The following CSMD1 variants were observed in gnomAD, a reference collection of about 807,000 sequenced individuals.
CSMD1 encodes the protein CUB and sushi domain-containing protein 1.
A neutral mutation model predicts 417.5 loss-of-function variants in CSMD1; 213 were observed. The observed-to-expected ratio is 0.51, with a 90% CI of 0.46 to 0.57. The LOEUF (loss-of-function observed/expected upper bound fraction) is 0.57. CSMD1 is among the 20% of genes least tolerant of loss of function. The pLI is 0.00. For synonymous variants in CSMD1, 2,862 were observed against 1,736.8 expected (o/e 1.65, Z -16.11); for missense variants, 6,923 against 4,529.7 (o/e 1.53, Z -15.17).
At chr8:3,549,633 C>T (rs1798824371) in intron 10 of CSMD1, among the ~76,000 whole-genome samples, 1 of 152,186 alleles carries the variant, frequency 6.6e-6, no homozygotes, top group Admixed American at 6.5e-5. Flanking sequence ...GGAGAAACCT[C>T]AGCTAGCATG....
chr8:3,108,431 C>A (rs1463467161), intron 44 of CSMD1, among the ~76,000 whole-genome samples, 172 bp downstream of exon 44: 1 of 152,168 alleles, frequency 6.6e-6, no homozygotes, highest in East Asian at 1.9e-4. Flanking sequence ...ATAATAAAGA[C>A]ATCATTAAAC....
intron 26 of CSMD1, among the ~76,000 whole-genome samples, chr8:3,259,334 T>C (rs1375683852): frequency 6.6e-6 from 1 of 152,196 alleles, no homozygotes; most frequent in Non-Finnish European, 1.5e-5. Flanking sequence ...AAAGCAGGAA[T>C]CTTGACTTCG....
chr8:3,087,303 C>G lies in CSMD1; in HGVS notation c.7286-18G>C, dbSNP rs374947219. The G allele has an allele frequency of 1.2e-6, 2 of 1,610,318 alleles. No homozygotes were observed. The highest frequency in any genetic ancestry group is 1.3e-5 in the African/African-American group (1 of 74,870). On this transcript the variant is annotated intron_variant, in intron 48 of 69. Coordinates refer to ENST00000635120, the MANE Select transcript of CSMD1 (RefSeq NM_033225.6). ...GTAAGGTGCTGTGGGCAGACAGACACACACAGAAATAAGTCAACAAGCAAA... is the reference window on the plus strand; with the variant it reads ...GTAAGGTGCTGTGGGCAGACAGACAGACACAGAAATAAGTCAACAAGCAAA...
chr8:3,388,497 AC>A (rs2116816153), intron 17 of CSMD1, among the ~76,000 whole-genome samples: 1 of 152,356 alleles, frequency 6.6e-6, no homozygotes, highest in East Asian at 1.9e-4. Flanking sequence ...AAACATCAGA[AC>A]ATTAGAATGA....
intron 6 of CSMD1, among the ~76,000 whole-genome samples, chr8:3,741,083 T>C (rs572165098): frequency 6.6e-6 from 1 of 152,056 alleles, no homozygotes; most frequent in South Asian, 2.1e-4. Flanking sequence ...GGTGTGGTGA[T>C]AGGTGCCTGT....
rs34201975 is a variant in CSMD1, at chr8:3,208,046, C to T, written c.4868-2426G>A. On this transcript the variant is annotated intron_variant, in intron 30 of 69. Coordinates refer to ENST00000635120, the MANE Select transcript of CSMD1 (RefSeq NM_033225.6). ...TTATGTCAGACCTATCTTTCCTTTT[C>T]CTCAAAAGCTTCAAGTTCAAGTTTT... Among the ~76,000 whole-genome samples the T allele has an allele frequency of 7.9e-3, 1,200 of 152,198 alleles. 15 individuals carry two copies. Among genetic ancestry groups the T allele is most frequent in the Admixed American group, 0.015 (236 of 15,300 alleles).
intron 3 of CSMD1, among the ~76,000 whole-genome samples, chr8:4,400,092 G>A (rs1032416274): frequency 6.6e-6 from 1 of 152,078 alleles, no homozygotes; most frequent in African/African-American, 2.4e-5. Flanking sequence ...CTAAATACGA[G>A]TACATTAAAA....
At chr8:4,260,794 C>T (rs1396369141) in intron 3 of CSMD1, among the ~76,000 whole-genome samples, 1 of 152,112 alleles carries the variant, frequency 6.6e-6, no homozygotes, top group Non-Finnish European at 1.5e-5. Flanking sequence ...AGCACTGTCA[C>T]CTCTCCTGGA....
chr8:3,129,367 G>C (rs1222583066), intron 41 of CSMD1, among the ~76,000 whole-genome samples: 3 of 152,192 alleles, frequency 2.0e-5, no homozygotes, highest in Non-Finnish European at 4.4e-5. Context: ...AGGTTTGCTT[G>C]TTTGTTTATT....
chr8:4,891,848 T>G (rs761047404), intron 1 of CSMD1, among the ~76,000 whole-genome samples: 3 of 152,128 alleles, frequency 2.0e-5, no homozygotes, highest in Non-Finnish European at 4.4e-5. Flanking sequence ...CTATACACCT[T>G]GTATTATCCA....
intron 29 of CSMD1, among the ~76,000 whole-genome samples, chr8:3,217,037 C>T (rs1315005534): frequency 2.0e-5 from 3 of 152,132 alleles, no homozygotes; most frequent in Non-Finnish European, 4.4e-5. Context: ...GATGCAATGA[C>T]ATCACTGCCC....
intron 3 of CSMD1, among the ~76,000 whole-genome samples, chr8:4,401,486 C>A (rs770895725): frequency 6.6e-6 from 1 of 152,044 alleles, no homozygotes; most frequent in Non-Finnish European, 1.5e-5. Flanking sequence ...AGCACCATCC[C>A]CTCACCCAGA....
chr8:4,008,622 T>G (rs1816315992), intron 4 of CSMD1, among the ~76,000 whole-genome samples: 1 of 139,440 alleles, frequency 7.2e-6, no homozygotes, highest in Non-Finnish European at 1.6e-5. Context: ...TTTTTTTTTT[T>G]TTTTTTGAGA....
At chr8:3,127,542 T>C (rs1817572929) in intron 41 of CSMD1, 1 of 152,198 alleles carries the variant, frequency 6.6e-6, no homozygotes, top group South Asian at 2.1e-4. Flanking sequence ...TAACAAACTA[T>C]AGCCTATTTT....
chr8:4,491,764 T>C (rs1801715163), intron 2 of CSMD1, among the ~76,000 whole-genome samples: 1 of 152,164 alleles, frequency 6.6e-6, no homozygotes, highest in Non-Finnish European at 1.5e-5. Context: ...GCTCACTCAC[T>C]GCTGGTGGGA....
At chr8:3,519,624 A>G (rs1023633886) in intron 10 of CSMD1, among the ~76,000 whole-genome samples, 1 of 152,216 alleles carries the variant, frequency 6.6e-6, no homozygotes, top group Admixed American at 6.5e-5. Flanking sequence ...TGTGCCACTC[A>G]GCTATCTGTA....
chr8:4,072,405 G>T (rs898012754), intron 3 of CSMD1, among the ~76,000 whole-genome samples: 1 of 152,078 alleles, frequency 6.6e-6, no homozygotes, highest in Non-Finnish European at 1.5e-5. Flanking sequence ...TATGTACCAA[G>T]CATTTTACAC....
intron 3 of CSMD1, among the ~76,000 whole-genome samples, chr8:4,378,344 G>A (rs1802885289): frequency 6.6e-6 from 1 of 152,180 alleles, no homozygotes; most frequent in East Asian, 1.9e-4. Flanking sequence ...GACATTTAAT[G>A]AATGTAGGTG....
chr8:4,234,905 A>C (rs1218194618), intron 3 of CSMD1, among the ~76,000 whole-genome samples: 1 of 151,568 alleles, frequency 6.6e-6, no homozygotes, highest in Non-Finnish European at 1.5e-5. Context: ...ACAGAAATAG[A>C]CCTCTGTGTT....
Sources: gnomAD v4.1 joint callset for allele counts (sites outside exome capture counted in the v4.1 genomes callset) on GRCh38, gnomAD v4.1.1 for gene constraint, MANE v1.5 for transcripts, NCBI Gene and HGNC (gene_info 2026-07-23, HGNC 2026-07-21) for gene names.